XKR6: variants seen among roughly 807,000 people sequenced by gnomAD.
XKR6 encodes the protein XK related 6.
A neutral mutation model predicts 56.7 loss-of-function variants in XKR6; 22 were observed. The ratio of observed to expected loss-of-function variants is 0.39; its 90% CI spans 0.28 to 0.55. XKR6 has a LOEUF of 0.55. XKR6 is among the 20% of genes least tolerant of loss of function. The pLI, the probability that XKR6 is intolerant of heterozygous loss-of-function variation, is 0.66. For missense variants in XKR6, 852 were observed against 889.0 expected (o/e 0.96, Z 0.53); for synonymous variants, 524 against 387.8 (o/e 1.35, Z -4.13).
chr8:11,166,820 G>A (rs544810124), intron 1 of XKR6, among the ~76,000 whole-genome samples: 17 of 152,242 alleles, frequency 1.1e-4, no homozygotes, highest in South Asian at 6.2e-4. Flanking sequence ...TGATCCAACC[G>A]CCTCGACCTC....
intron 1 of XKR6, among the ~76,000 whole-genome samples, chr8:10,925,474 G>A (rs941800260): frequency 3.9e-5 from 6 of 152,144 alleles, no homozygotes; most frequent in African/African-American, 1.4e-4. Flanking sequence ...TGGACATCAG[G>A]GGGACCCAGG....
chr8:11,080,106 A>C (rs1012069919), intron 1 of XKR6, among the ~76,000 whole-genome samples: 1 of 152,156 alleles, frequency 6.6e-6, no homozygotes, highest in African/African-American at 2.4e-5. Context: ...TGAGCAATTC[A>C]CTAAACTCTT....
Position 11,200,708 on chromosome 8 carries a change from T to A in XKR6, c.632A>T (p.Tyr211Phe). 1 of 1,584,454 alleles carries A rather than the reference T, an allele frequency of 6.3e-7. No individual in the cohort carries two copies. The highest frequency in any genetic ancestry group is 8.5e-7 in the Non-Finnish European group (1 of 1,170,922). The change falls in exon 1 of 3, where the codon TAC (tyrosine) becomes TTC (phenylalanine). Residue 211 changes from tyrosine to phenylalanine, a missense_variant. Physicochemically the swap from Tyr to Phe is conservative, Grantham distance 22. This residue lies in a region of XKR6 where 417 missense variants were observed against 355.2 expected (regional missense o/e 1.17). Coordinates refer to ENST00000416569, the MANE Select transcript of XKR6 (RefSeq NM_173683.4). This position sits in a 1 kb window ranked among gnomAD's most constrained non-coding sequence, Gnocchi z 6.4. The part of the protein sequence containing the change: ...SRGPPMMGAG[Y>F]VHGAARGGPG... ...GCCACCGCGGGCCGCGCCGTGGACG[T>A]AGCCGGCCCCCATCATGGGGGGGCC...
chr8:11,107,420 G>C (rs1356372390), intron 1 of XKR6, among the ~76,000 whole-genome samples: 1 of 151,900 alleles, frequency 6.6e-6, no homozygotes, highest in African/African-American at 2.4e-5. Flanking sequence ...CCTGGCCTTG[G>C]GCAGTCCTCC....
chr8:10,966,976 T>C (rs1218004668), intron 1 of XKR6, among the ~76,000 whole-genome samples: 1 of 152,142 alleles, frequency 6.6e-6, no homozygotes, highest in Non-Finnish European at 1.5e-5. Context: ...ACCATGGGTC[T>C]AGAGCCTCAC....
At chr8:11,008,239 G>T (rs894489818) in intron 1 of XKR6, among the ~76,000 whole-genome samples, 3 of 152,082 alleles carry the variant, frequency 2.0e-5, no homozygotes, top group African/African-American at 7.2e-5. Flanking sequence ...CACCCCACCA[G>T]CCTCACTGGC....
In XKR6 at chr8:11,111,824, A is replaced by C. The variant is rs150464667; in HGVS notation, c.764+88752T>G. 1.6e-4 allele frequency: 24 copies of C among 152,300 alleles called. No individual in the cohort carries two copies. In the East Asian group the frequency reaches 4.4e-3, roughly 28 times the overall value. 9.4% of individuals were successfully genotyped at this position (152,300 alleles called of 1,614,324 possible). On this transcript the variant is annotated intron_variant, in intron 1 of 2. Coordinates refer to ENST00000416569, the MANE Select transcript of XKR6 (RefSeq NM_173683.4). ...ACAACATAATTTCCAGAGTTCCTAA[A>C]TATGTCCAATATATTGAACTTAGGG...
intron 1 of XKR6, among the ~76,000 whole-genome samples, chr8:11,008,808 C>G (rs1429410234): frequency 1.3e-5 from 2 of 152,102 alleles, no homozygotes; most frequent in African/African-American, 2.4e-5. Flanking sequence ...GCTCATATCA[C>G]TGAATGCCAT....
rs892524912 is a variant in XKR6 at position 10,924,900 on chromosome 8, C to A, written c.765-70G>T. 4.9e-5 allele frequency: 73 copies of A among 1,490,204 alleles called. 2 individuals are homozygous for A. The South Asian group carries it at 8.7e-4, about 18-fold the overall frequency. 92.3% of individuals were successfully genotyped at this position (1,490,204 alleles called of 1,614,324 possible). Reference sequence around the variant, plus strand: ...AGGGGCTCCAGAGGACCCTTGCCATCCCCCTAAAACCAAGAGACTCAGCAT... The same window carrying A: ...AGGGGCTCCAGAGGACCCTTGCCATACCCCTAAAACCAAGAGACTCAGCAT... On this transcript the variant is annotated intron_variant, in intron 1 of 2. Transcript: ENST00000416569.
chr8:11,014,272 G>T (rs1798566979), intron 1 of XKR6, among the ~76,000 whole-genome samples: 1 of 152,258 alleles, frequency 6.6e-6, no homozygotes, highest in Admixed American at 6.5e-5. Context: ...CTCCAAAGGA[G>T]TGTAGCGGCC....
intron 1 of XKR6, among the ~76,000 whole-genome samples, chr8:11,158,540 A>C (rs545091024): frequency 3.1e-4 from 47 of 152,312 alleles, no homozygotes; most frequent in Non-Finnish European, 5.3e-4. Context: ...ATTATGGAGC[A>C]ACTAAAAACC....
At chr8:11,014,829 CCT>C (rs919501482) in intron 1 of XKR6, among the ~76,000 whole-genome samples, 9 of 152,150 alleles carry the variant, frequency 5.9e-5, no homozygotes, top group African/African-American at 2.2e-4. Flanking sequence ...ACGCGTACCC[CCT>C]GAATCCAAAA....
intron 1 of XKR6, among the ~76,000 whole-genome samples, chr8:11,023,754 C>G (rs1193693947): frequency 1.3e-5 from 2 of 152,200 alleles, no homozygotes; most frequent in African/African-American, 4.8e-5. Context: ...CCATGAAGGC[C>G]TCCTGCGGAT....
intron 1 of XKR6, among the ~76,000 whole-genome samples, chr8:10,953,889 A>G (rs1052912465): frequency 3.3e-5 from 5 of 152,368 alleles, no homozygotes; most frequent in Middle Eastern, 6.8e-3. Context: ...CCTATTCTGG[A>G]CATTTCATAC....
intron 1 of XKR6, among the ~76,000 whole-genome samples, chr8:11,017,022 A>G (rs1318406841): frequency 1.3e-5 from 2 of 152,224 alleles, no homozygotes; most frequent in Non-Finnish European, 2.9e-5. Flanking sequence ...GATGGTAGAG[A>G]TTTGCATACA....
intron 1 of XKR6, among the ~76,000 whole-genome samples, chr8:11,135,033 AAT>A (rs1491469027): frequency 8.0e-6 from 1 of 124,664 alleles, no homozygotes; most frequent in African/African-American, 3.7e-5. Context: ...AAAATGCACT[AAT>A]TTTTTTTTTT....
intron 1 of XKR6, among the ~76,000 whole-genome samples, chr8:11,065,839 C>T (rs1415835867): frequency 3.3e-5 from 5 of 152,184 alleles, no homozygotes; most frequent in Admixed American, 1.3e-4. Context: ...TAGGCAGTGG[C>T]GTTTTTCCCT....
intron 1 of XKR6, among the ~76,000 whole-genome samples, chr8:11,195,561 T>C (rs899439137): frequency 2.6e-5 from 4 of 152,180 alleles, no homozygotes; most frequent in African/African-American, 9.7e-5. Context: ...CTCAACATTC[T>C]TCAAAGTTTT....
chr8:11,074,583 C>T (rs1221280663), intron 1 of XKR6, among the ~76,000 whole-genome samples: 1 of 152,176 alleles, frequency 6.6e-6, no homozygotes, highest in African/African-American at 2.4e-5. Context: ...GTAGGGGAGT[C>T]CTTCATTCCA....
Sources: gnomAD v4.1 joint callset for allele counts (sites outside exome capture counted in the v4.1 genomes callset) on GRCh38, gnomAD v4.1.1 for gene constraint, gnomAD v4.1.1 regional missense constraint, Gnocchi (gnomAD v3.1) non-coding constraint, MANE v1.5 for transcripts, NCBI Gene and HGNC (gene_info 2026-07-23, HGNC 2026-07-21) for gene names.